Variants in POTEG observed in about 807,000 individuals in gnomAD.
POTEG encodes the protein ANKRD26-like family C member 2.
Under a neutral mutation model 49.6 loss-of-function variants are expected in POTEG, and 2 were observed. That is an observed-to-expected ratio of 0.04 (90% CI 0.02 to 0.13). The LOEUF is 0.13. Ranked by LOEUF, POTEG falls within the 10% of genes least tolerant of loss-of-function variation. The pLI is 1.00. For missense variants in POTEG, 26 were observed against 545.2 expected, an observed-to-expected ratio of 0.05 and a Z score of 9.48; for synonymous variants, 7 against 186.6, an observed-to-expected ratio of 0.04 and a Z score of 7.84.
chr14:19,415,029 C>A (rs1400318802), intron 7 of POTEG, among the ~76,000 whole-genome samples: 9 of 144,764 alleles, frequency 6.2e-5, no homozygotes, highest in African/African-American at 1.2e-4. Flanking sequence ...CTAGTGAGCC[C>A]CCACAGTGCA....
intron 5 of POTEG, chr14:19,423,754 TG>T (rs1883835633): frequency 8.2e-6 from 1 of 121,456 alleles, no homozygotes; most frequent in African/African-American, 3.3e-5. Flanking sequence ...TGAACCCCTT[TG>T]GTTCCTGAAA....
chr14:19,431,371 A>C (rs1566382660), intron 1 of POTEG, among the ~76,000 whole-genome samples: 1 of 149,356 alleles, frequency 6.7e-6, no homozygotes, highest in Non-Finnish European at 1.5e-5. Context: ...GGCTTTTCTA[A>C]ATACACTGCT....
In POTEG at chr14:19,425,746, T is replaced by A. The variant is rs1883922144; in HGVS notation, c.811-34A>T. 15 of 414,000 alleles carry A rather than the reference T, an allele frequency of 3.6e-5. 2 individuals are homozygous for A. Among genetic ancestry groups the A allele is most frequent in the Non-Finnish European group, 5.0e-5 (14 of 278,794 alleles). 25.6% of individuals were successfully genotyped at this position (414,000 alleles called of 1,614,324 possible). A position where few individuals can be genotyped will look rare whatever the true frequency, so the allele number is the denominator to read the frequency against. On this transcript the variant is annotated intron_variant, in intron 3 of 10. Transcript: ENST00000547848. ...CAATATAAAGCAAAAACGTATGTAATTCAAAAAAGTACATATTCCTCAACC... is the reference window on the plus strand; with the variant it reads ...CAATATAAAGCAAAAACGTATGTAAATCAAAAAAGTACATATTCCTCAACC...
chr14:19,416,237 A>C (rs748351716), intron 7 of POTEG, 51 bp downstream of exon 7: 14 of 1,584,142 alleles, frequency 8.8e-6, no homozygotes, highest in East Asian at 4.5e-5. Context: ...GCAAAAAAAA[A>C]AAAACAAAAA....
intron 7 of POTEG, among the ~76,000 whole-genome samples, chr14:19,415,457 C>G (rs1483107029): frequency 6.8e-6 from 1 of 146,528 alleles, no homozygotes; most frequent in Admixed American, 6.8e-5. Flanking sequence ...TATAAAACTG[C>G]AGATTTTCAA....
intron 7 of POTEG, among the ~76,000 whole-genome samples, chr14:19,415,627 T>C (rs1883525391): frequency 6.7e-6 from 1 of 150,076 alleles, no homozygotes; most frequent in Admixed American, 6.6e-5. Flanking sequence ...GTTCTGAAAT[T>C]TGTTTTTGCC....
At chr14:19,429,800 C>CAAG (rs1884077761) in intron 1 of POTEG, among the ~76,000 whole-genome samples, 27 of 50,862 alleles carry the variant, frequency 5.3e-4, no homozygotes, top group African/African-American at 1.7e-3. Context: ...AAACAAATTT[C>CAAG]TAAAATAAAC....
chr14:19,415,237 C>G (rs1466466994), intron 7 of POTEG, among the ~76,000 whole-genome samples: 1 of 142,304 alleles, frequency 7.0e-6, no homozygotes, highest in Non-Finnish European at 1.6e-5. Flanking sequence ...GTACTAATGA[C>G]AGTAGATAAA....
At chr14:19,420,031 A>G (rs1158856032) in intron 6 of POTEG, among the ~76,000 whole-genome samples, 1 of 135,800 alleles carries the variant, frequency 7.4e-6, no homozygotes, top group Non-Finnish European at 1.6e-5. Context: ...GCAAAAGTGA[A>G]TTGCTCAGAA....
intron 7 of POTEG, among the ~76,000 whole-genome samples, chr14:19,415,344 TC>T (rs376652031): frequency 0.01 from 1,457 of 142,694 alleles, 6 homozygotes; most frequent in South Asian, 0.025. Context: ...AAGATATGAT[TC>T]CTTTAATAGG....
intron 1 of POTEG, among the ~76,000 whole-genome samples, chr14:19,432,624 C>T (rs1884209128): frequency 1.4e-5 from 1 of 73,610 alleles, no homozygotes; most frequent in African/African-American, 5.9e-5. Context: ...GAATTATGAA[C>T]AATCCATCTT....
chr14:19,413,277 A>AT (rs1360918957), intron 9 of POTEG, 77 bp downstream of exon 9: 2 of 597,036 alleles, frequency 3.3e-6, no homozygotes, highest in Non-Finnish European at 4.9e-6. Flanking sequence ...TATCCTAGTA[A>AT]AAGTATAAAA....
At chr14:19,418,981 C>T (rs1222526628) in intron 6 of POTEG, among the ~76,000 whole-genome samples, 1 of 98,602 alleles carries the variant, frequency 1.0e-5, no homozygotes, top group African/African-American at 4.8e-5. Context: ...TTAAGCTAAA[C>T]AAATGAAAAA....
chr14:19,431,256 T>C (rs1884127227), intron 1 of POTEG, among the ~76,000 whole-genome samples: 1 of 152,290 alleles, frequency 6.6e-6, no homozygotes, highest in Non-Finnish European at 1.5e-5. Context: ...TATAGCAAAG[T>C]ACATCTTTGC....
intron 7 of POTEG, 50 bp downstream of exon 7, chr14:19,416,238 A>G: frequency 6.3e-7 from 1 of 1,584,482 alleles, no homozygotes; most frequent in South Asian, 1.2e-5. Flanking sequence ...CAAAAAAAAA[A>G]AAACAAAAAA....
Position 19,402,699 on chromosome 14 carries a change from GGGGTACTTCA to G in POTEG, c.*402_*411del. 2 of 687,572 alleles carry G rather than the reference GGGGTACTTCA, an allele frequency of 2.9e-6. No homozygotes were observed. Among genetic ancestry groups the G allele is most frequent in the Non-Finnish European group, 4.5e-6 (2 of 441,898 alleles). 42.6% of individuals were successfully genotyped at this position (687,572 alleles called of 1,614,324 possible). The stretch of plus-strand genomic sequence containing the variant: ...AGTTGGTGATGATGCCGTGCTCCAT[GGGGTACTTCA>G]GGGTCAGGATGCCTCTCTTGCTCTG... On this transcript the variant is annotated 3_prime_UTR_variant, in exon 11 of 11. Transcript: ENST00000547848.
In POTEG at chr14:19,419,999, G is replaced by C. The variant is rs1442157568; in HGVS notation, c.1126+1625C>G. Among the ~76,000 whole-genome samples the C allele has an allele frequency of 2.8e-5, 4 of 141,470 alleles. No individual in the cohort carries two copies. The East Asian group carries it at 8.2e-4, about 29-fold the overall frequency. 92.8% of individuals were successfully genotyped at this position (141,470 alleles called of 152,430 possible). A position where few individuals can be genotyped will look rare whatever the true frequency, so the allele number is the denominator to read the frequency against. On this transcript the variant is annotated intron_variant, in intron 6 of 10. Coordinates refer to ENST00000547848, the MANE Select transcript of POTEG (RefSeq NM_001005356.3). ...GTATTCACCTCATTCCCAACCTCTC[G>C]TATCTCACACTTTTGGTATTAGCAA...
At chr14:19,409,950 G>A (rs1214416582) in intron 9 of POTEG, among the ~76,000 whole-genome samples, 1 of 134,700 alleles carries the variant, frequency 7.4e-6, no homozygotes, top group Non-Finnish European at 1.7e-5. Context: ...AGAAGTTTAA[G>A]CAGGAGAGAT....
chr14:19,413,936 AAC>A (rs1207600990), intron 8 of POTEG, among the ~76,000 whole-genome samples: 4 of 22,466 alleles, frequency 1.8e-4, no homozygotes, highest in Non-Finnish European at 2.9e-4. Flanking sequence ...TTTTACATTA[AAC>A]AGTCATTTTA....
Sources: gnomAD v4.1 joint callset for allele counts (sites outside exome capture counted in the v4.1 genomes callset) on GRCh38, gnomAD v4.1.1 for gene constraint, MANE v1.5 for transcripts, NCBI Gene and HGNC (gene_info 2026-07-23, HGNC 2026-07-21) for gene names.